Variants in ERGIC1 observed in about 807,000 individuals in gnomAD.
ERGIC1 encodes the protein endoplasmic reticulum-Golgi intermediate compartment protein 1.
A neutral mutation model predicts 38.3 loss-of-function variants in ERGIC1; 19 were observed. That is an observed-to-expected ratio of 0.50 (90% confidence interval 0.35 to 0.73). The LOEUF is 0.73. Ranked by LOEUF, ERGIC1 falls within the 30% of genes least tolerant of loss-of-function variation. The pLI, the probability that ERGIC1 is intolerant of heterozygous loss-of-function variation, is 0.01. For synonymous variants in ERGIC1, 124 were observed against 157.6 expected, an observed-to-expected ratio of 0.79 and a Z score of 1.60; for missense variants, 294 against 389.2, an observed-to-expected ratio of 0.76 and a Z score of 2.06.
intron 9 of ERGIC1, chr5:172,937,583 T>A (rs561147781): frequency 6.6e-6 from 1 of 152,060 alleles, no homozygotes; most frequent in Non-Finnish European, 1.5e-5. Context: ...GGTGGGAGGA[T>A]TGCTTGAGCG....
intron 1 of ERGIC1, among the ~76,000 whole-genome samples, chr5:172,876,351 CAACTATTTGGCTAGCTAGAA>C (rs1433529346): frequency 6.6e-6 from 1 of 152,208 alleles, no homozygotes; most frequent in East Asian, 1.9e-4. Context: ...TTGCCCTCAT[CAACTATTTGGCTAGCTAGAA>C]ATACATTTTA....
chr5:172,901,241 TG>T (rs1762868050), intron 3 of ERGIC1, among the ~76,000 whole-genome samples: 1 of 152,044 alleles, frequency 6.6e-6, no homozygotes, highest in Non-Finnish European at 1.5e-5. Flanking sequence ...CTGGGCCTGG[TG>T]GGGGGTGAGG....
chr5:172,863,533 C>T (rs576120580), intron 1 of ERGIC1, among the ~76,000 whole-genome samples: 4 of 152,260 alleles, frequency 2.6e-5, no homozygotes, highest in Non-Finnish European at 2.9e-5. Context: ...GGCTGAGTGG[C>T]CAGGAGTCCT....
rs1760974321 is a variant in ERGIC1 at position 172,834,352 on chromosome 5, C to G, written c.-62C>G. 1.6e-6 allele frequency: 2 copies of G among 1,239,972 alleles called. No homozygotes were observed. The highest frequency in any genetic ancestry group is 1.6e-5 in the African/African-American group (1 of 63,682). 76.8% of individuals were successfully genotyped at this position (1,239,972 alleles called of 1,614,324 possible). A position where few individuals can be genotyped will look rare whatever the true frequency, so the allele number is the denominator to read the frequency against. The stretch of plus-strand genomic sequence containing the variant: ...CCGGAGGAGGCGTTGGCAGCGGGCT[C>G]GGACCCACGCGGCGCCGCGGCCCGC... On this transcript the variant is annotated 5_prime_UTR_variant, in exon 1 of 10. Coordinates refer to ENST00000393784, the MANE Select transcript of ERGIC1 (RefSeq NM_001031711.3). This position sits in a 1 kb window ranked among gnomAD's most constrained non-coding sequence, Gnocchi z 4.1.
intron 2 of ERGIC1, among the ~76,000 whole-genome samples, chr5:172,892,406 A>G (rs573269768): frequency 6.6e-6 from 1 of 152,286 alleles, no homozygotes; most frequent in South Asian, 2.1e-4. Context: ...AACTGAAGGA[A>G]AGATCAGGGC....
chr5:172,892,622 C>A (rs1762596549), intron 2 of ERGIC1, among the ~76,000 whole-genome samples: 1 of 152,178 alleles, frequency 6.6e-6, no homozygotes, highest in African/African-American at 2.4e-5. Flanking sequence ...CAGAAGAAGT[C>A]TGGAGTTAGA....
At position 172,903,275 on chromosome 5, in the gene ERGIC1, C is replaced by T. The variant is rs181988525; in HGVS notation, c.155+6201C>T. Among the ~76,000 whole-genome samples the T allele has an allele frequency of 2.2e-3, 341 of 152,250 alleles. 1 individual carries two copies. The highest frequency in any genetic ancestry group is 3.7e-3 in the Non-Finnish European group (253 of 68,004). ...GAGTGGGAGAGGCTTGTGGGACAGA[C>T]GCAACTGGACCCCTAAGCACCCCTG... On this transcript the variant is annotated intron_variant, in intron 3 of 9. Transcript: ENST00000393784.
chr5:172,880,156 C>T (rs1762245386), intron 1 of ERGIC1, among the ~76,000 whole-genome samples: 1 of 152,126 alleles, frequency 6.6e-6, no homozygotes, highest in Non-Finnish European at 1.5e-5. Context: ...CCTGCCTCAG[C>T]CTCCCCAGTA....
rs35584191 is a variant in ERGIC1 at position 172,914,234 on chromosome 5, C to CAAAAAAA, written c.251-463_251-457dup. Among the ~76,000 whole-genome samples the CAAAAAAA allele has an allele frequency of 3.9e-3, 401 of 101,958 alleles. 2 individuals are homozygous for CAAAAAAA. Among genetic ancestry groups the CAAAAAAA allele is most frequent in the African/African-American group, 8.1e-3 (190 of 23,414 alleles). 66.9% of individuals were successfully genotyped at this position (101,958 alleles called of 152,430 possible). The stretch of plus-strand genomic sequence containing the variant: ...TGGGCAAGAGAGCAAGACTCTGTCT[C>CAAAAAAA]AAAAAAAAAAAAAAAAAAAAAAATA... On this transcript the variant is annotated intron_variant, in intron 4 of 9. Transcript: ENST00000393784.
chr5:172,878,922 A>G (rs926029337), intron 1 of ERGIC1, among the ~76,000 whole-genome samples: 7 of 152,210 alleles, frequency 4.6e-5, no homozygotes, highest in African/African-American at 1.7e-4. Context: ...GGCACTCGGC[A>G]CCGAGGGCTC....
chr5:172,947,496 C>A (rs370216481), intron 9 of ERGIC1, among the ~76,000 whole-genome samples: 6 of 152,146 alleles, frequency 3.9e-5, no homozygotes, highest in Admixed American at 3.9e-4. Flanking sequence ...TTGAGGAAAC[C>A]CCCCTGGAAT....
chr5:172,839,240 C>CA (rs1265161853), intron 1 of ERGIC1, among the ~76,000 whole-genome samples: 1,721 of 70,932 alleles, frequency 0.024, 26 homozygotes, highest in African/African-American at 0.03. Flanking sequence ...GACTCTGTCT[C>CA]AAAAAAAAAA....
At chr5:172,899,841 A>G (rs1421463702) in intron 3 of ERGIC1, among the ~76,000 whole-genome samples, 1 of 152,266 alleles carries the variant, frequency 6.6e-6, no homozygotes, top group Non-Finnish European at 1.5e-5. Context: ...ATGATATTTT[A>G]TGAGGATCAA....
At position 172,897,443 on chromosome 5, in the gene ERGIC1, A is replaced by AAAAGAG. The variant is rs780361647; in HGVS notation, c.155+370_155+371insAAGAGA. Among the ~76,000 whole-genome samples, 227 of 142,430 alleles carry AAAAGAG rather than the reference A, an allele frequency of 1.6e-3. 5 individuals carry two copies. Among genetic ancestry groups the AAAAGAG allele is most frequent in the African/African-American group, 5.7e-3 (209 of 36,948 alleles). The allele number at this position is 142,430 out of a possible 152,430, so 93.4% of individuals were successfully genotyped here. On this transcript the variant is annotated intron_variant, in intron 3 of 9. Coordinates refer to ENST00000393784, the MANE Select transcript of ERGIC1 (RefSeq NM_001031711.3). Reference sequence around the variant, plus strand: ...GACCCTGTTTCAAAAAAAAAAAAAAAAGAGAGAGAGAGGAGTCTTAAAAAG... The same window carrying AAAAGAG: ...GACCCTGTTTCAAAAAAAAAAAAAAAAAAGAGAGAGAGAGAGAGGAGTCTTAAAAAG...
chr5:172,843,246 C>T (rs1163950293), intron 1 of ERGIC1, among the ~76,000 whole-genome samples: 1 of 152,180 alleles, frequency 6.6e-6, no homozygotes, highest in Non-Finnish European at 1.5e-5. Context: ...GTATGGTTTG[C>T]AAATGTTTTC....
At chr5:172,839,979 A>G (rs1761122003) in intron 1 of ERGIC1, among the ~76,000 whole-genome samples, 1 of 152,188 alleles carries the variant, frequency 6.6e-6, no homozygotes, top group Non-Finnish European at 1.5e-5. Context: ...AACTCTTCTA[A>G]TTGGATTCAT....
chr5:172,873,711 T>C (rs1435083937), intron 1 of ERGIC1, among the ~76,000 whole-genome samples: 1 of 152,206 alleles, frequency 6.6e-6, no homozygotes, highest in East Asian at 1.9e-4. Flanking sequence ...TGTGTGAGCT[T>C]AGGCAAGTGG....
intron 1 of ERGIC1, among the ~76,000 whole-genome samples, chr5:172,858,799 G>C: frequency 6.6e-6 from 1 of 152,234 alleles, no homozygotes; most frequent in Admixed American, 6.5e-5. Context: ...GAGCTTGTGA[G>C]GGCCCTGCCC....
At chr5:172,892,076 T>TG (rs1762580111) in intron 2 of ERGIC1, among the ~76,000 whole-genome samples, 1 of 114,988 alleles carries the variant, frequency 8.7e-6, no homozygotes, top group Non-Finnish European at 2.0e-5. Flanking sequence ...TTTTTTTTTT[T>TG]TTTTTTTTTT....
Sources: allele counts gnomAD v4.1 joint callset (sites outside exome capture counted in the v4.1 genomes callset), GRCh38; gene constraint gnomAD v4.1.1; non-coding constraint Gnocchi (gnomAD v3.1); transcripts MANE v1.5; gene names NCBI Gene and HGNC (gene_info 2026-07-23, HGNC 2026-07-21).